Variants in NOP16 observed in about 807,000 individuals in gnomAD.
NOP16 encodes the protein NOP16 nucleolar protein, also known as nucleolar protein 16.
Under a neutral mutation model 22.7 loss-of-function variants are expected in NOP16, and 14 were observed. The ratio of observed to expected loss-of-function variants is 0.62; its 90% CI spans 0.41 to 0.97. The LOEUF (loss-of-function observed/expected upper bound fraction) is 0.97. Ranked by LOEUF, NOP16 falls within the 50% of genes least tolerant of loss-of-function variation. NOP16 has a pLI of 0.00. For missense variants in NOP16, 198 were observed against 235.9 expected, an observed-to-expected ratio of 0.84 and a Z score of 1.05; for synonymous variants, 80 against 83.6, an observed-to-expected ratio of 0.96 and a Z score of 0.23.
At chr5:176,387,911 T>G (rs1439108955) in intron 2 of NOP16, among the ~76,000 whole-genome samples, 1 of 152,150 alleles carries the variant, frequency 6.6e-6, no homozygotes, top group Non-Finnish European at 1.5e-5. Context: ...AGTAAAGATC[T>G]CCAACTCTTA....
Position 176,385,281 on chromosome 5 carries a change from C to G in NOP16, c.333G>C (p.Leu111=). ...ASLPEKKGNT[L]SRDLIDYVRY... ...GTACATAGTCAATGAGGTCCCGAGA[C>G]AGAGTATTTCCTTTCTTTTCTGGAA... The change falls in exon 4 of 5, where the codon CTG becomes CTC. Residue 111 remains leucine (L), a synonymous_variant. Transcript: ENST00000614830. 4 of 1,613,452 alleles carry G rather than the reference C, an allele frequency of 2.5e-6. No homozygotes were observed. Among genetic ancestry groups the G allele is most frequent in the Non-Finnish European group, 3.4e-6 (4 of 1,179,342 alleles).
At chr5:176,385,813 C>T (rs571957793) in intron 3 of NOP16, 2 of 154,688 alleles carry the variant, frequency 1.3e-5, no homozygotes, top group African/African-American at 4.8e-5. Context: ...CAGCACCTTA[C>T]TAGTGCTCCA....
intron 3 of NOP16, 45 bp from the exon 4 acceptor site, chr5:176,385,372 T>G (rs1755759094): frequency 8.4e-7 from 1 of 1,184,006 alleles, no homozygotes; most frequent in East Asian, 2.3e-5. Flanking sequence ...GAGGCTTTGC[T>G]TTCTGTGCTC....
At chr5:176,388,132 G>A in intron 2 of NOP16, 103 bp downstream of exon 2, 1 of 843,580 alleles carries the variant, frequency 1.2e-6, no homozygotes, top group Non-Finnish European at 1.9e-6. Flanking sequence ...AAACTCGGAA[G>A]GGCCTGAGGG....
intron 2 of NOP16, among the ~76,000 whole-genome samples, chr5:176,387,785 C>G (rs1756002408): frequency 6.6e-6 from 1 of 152,152 alleles, no homozygotes; most frequent in Non-Finnish European, 1.5e-5. Context: ...GCTTATAATC[C>G]CAGCTATTTG....
chr5:176,386,953 G>A, intron 2 of NOP16, 44 bp from the exon 3 acceptor site: 1 of 1,558,358 alleles, frequency 6.4e-7, no homozygotes, highest in East Asian at 2.2e-5. Context: ...TCTTTGATGA[G>A]GGAAAGTTAT....
At chr5:176,388,385 A>G in intron 1 of NOP16, 42 bp from the exon 2 acceptor site, 1 of 1,612,998 alleles carries the variant, frequency 6.2e-7, no homozygotes, top group Non-Finnish European at 8.5e-7. Context: ...CATCTCGCGG[A>G]CCGTCCCGGC....
At chr5:176,385,169 C>A in intron 4 of NOP16, 52 bp downstream of exon 4, 1 of 1,018,400 alleles carries the variant, frequency 9.8e-7, no homozygotes, top group Non-Finnish European at 1.6e-6. Context: ...GATCAAGCCG[C>A]GAATGGTCCA....
In NOP16 at chr5:176,385,549, C is replaced by A. The variant is rs117677523; in HGVS notation, c.287-222G>T. Among the ~76,000 whole-genome samples, 193 of 152,304 alleles carry A rather than the reference C, an allele frequency of 1.3e-3. 5 individuals are homozygous for A. In the East Asian group the frequency reaches 0.035, roughly 27 times the overall value. ...ATGACCCACTCATCTACCAGTATGG[C>A]AACTTTTGGAAAGGGAAGTCACTTC... On this transcript the variant is annotated intron_variant, in intron 3 of 4. Transcript: ENST00000614830.
chr5:176,386,556 C>A (rs1755857310), intron 3 of NOP16: 1 of 482,272 alleles, frequency 2.1e-6, no homozygotes, highest in East Asian at 4.1e-5. Flanking sequence ...GAAGCCATAC[C>A]CATGCCAGAG....
At chr5:176,384,681 G>A (rs1370172575) in intron 4 of NOP16, 8 of 421,094 alleles carry the variant, frequency 1.9e-5, no homozygotes, top group Admixed American at 4.1e-5. Flanking sequence ...GAGGCAGGAG[G>A]ACTGTTTCAG....
At chr5:176,385,738 T>A (rs1755790098) in intron 3 of NOP16, among the ~76,000 whole-genome samples, 1 of 152,108 alleles carries the variant, frequency 6.6e-6, no homozygotes, top group South Asian at 2.1e-4. Context: ...TTGCAACACA[T>A]GAAATGGGAC....
intron 4 of NOP16, 106 bp from the exon 5 acceptor site, chr5:176,384,480 A>G: frequency 3.5e-6 from 4 of 1,127,282 alleles, no homozygotes; most frequent in Non-Finnish European, 5.1e-6. Flanking sequence ...TGAGGTCCAG[A>G]ATCCTGACCT....
rs769713350 is a variant in NOP16, at chr5:176,388,305, A to G, written c.146T>C (p.Val49Ala). 3 of 1,614,042 alleles carry G rather than the reference A, an allele frequency of 1.9e-6. No individual in the cohort carries two copies. Among genetic ancestry groups the G allele is most frequent in the African/African-American group, 2.7e-5 (2 of 74,912 alleles). Residue 49 changes from valine to alanine, a missense_variant, in exon 2 of 5, where the codon GTA becomes GCA. By Grantham distance (64) the Val-to-Ala change is moderately conservative (BLOSUM62 0). Coordinates refer to ENST00000614830, the MANE Select transcript of NOP16 (RefSeq NM_016391.8). Reference protein sequence around the residue: ...IRHAWDHAKSVRQNLAEMGLA... With the variant: ...IRHAWDHAKSARQNLAEMGLA... ...CCCCATCTCGGCCAGGTTCTGCCGT[A>G]CCGATTTAGCGTGGTCCCAGGCATG...
intron 2 of NOP16, 51 bp downstream of exon 2, chr5:176,388,184 G>T: frequency 7.3e-7 from 1 of 1,363,322 alleles, no homozygotes. Context: ...AGGTCAGTAT[G>T]GCGGGGGAAG....
Position 176,384,283 on chromosome 5 carries a change from T to G in NOP16, c.485A>C (p.Glu162Ala), listed in dbSNP as rs1581403349. The change falls in exon 5 of 5, where the codon GAG (glutamate) becomes GCG (alanine). Residue 162 changes from glutamate to alanine, a missense_variant. Coordinates refer to ENST00000614830, the MANE Select transcript of NOP16 (RefSeq NM_016391.8). Reference sequence around the variant, plus strand: ...CAAAGAATCGAGGAAGTCTTGCCACTCTGCTGGGTAAAAGCGTTTATAGAC... The same window carrying G: ...CAAAGAATCGAGGAAGTCTTGCCACGCTGCTGGGTAAAAGCGTTTATAGAC... ...INVYKRFYPA[E>A]WQDFLDSLQK... 1 of 1,614,234 alleles carries G rather than the reference T, an allele frequency of 6.2e-7. No homozygotes were observed. Among genetic ancestry groups the G allele is most frequent in the East Asian group, 2.2e-5 (1 of 44,878 alleles).
chr5:176,386,560 G>A (rs533338575), intron 3 of NOP16: 7 of 492,710 alleles, frequency 1.4e-5, no homozygotes, highest in African/African-American at 7.7e-5. Context: ...CCATACCCAT[G>A]CCAGAGATTT....
At chr5:176,388,045 G>A (rs2113599320) in intron 2 of NOP16, among the ~76,000 whole-genome samples, 190 bp downstream of exon 2, 1 of 152,290 alleles carries the variant, frequency 6.6e-6, no homozygotes, top group South Asian at 2.1e-4. Context: ...AATGTGTGCT[G>A]GGGAGGGAGT....
chr5:176,388,378 C>T (rs2113602237), intron 1 of NOP16, 35 bp from the exon 2 acceptor site: 1 of 1,613,106 alleles, frequency 6.2e-7, no homozygotes, highest in South Asian at 1.1e-5. Flanking sequence ...GATCCGTCAT[C>T]TCGCGGACCG....
Sources: gnomAD v4.1 joint callset for allele counts (sites outside exome capture counted in the v4.1 genomes callset) on GRCh38, gnomAD v4.1.1 for gene constraint, MANE v1.5 for transcripts, NCBI Gene and HGNC (gene_info 2026-07-23, HGNC 2026-07-21) for gene names.